The following RPN2 variants were observed in gnomAD, a reference collection of about 807,000 sequenced individuals.
RPN2 encodes ribophorin II, also known as dolichyl-diphosphooligosaccharide--protein glycosyltransferase subunit 2.
RPN2 carries 29 observed loss-of-function variants against 71.4 expected under a neutral mutation model. That is an observed-to-expected ratio of 0.41 (90% CI 0.30 to 0.55). The LOEUF (loss-of-function observed/expected upper bound fraction) is 0.55, where lower values mean the gene tolerates loss of function less well. Among genes scored for constraint, RPN2 ranks in the 20% least tolerant of loss-of-function variants. The pLI is 0.35. For synonymous variants in RPN2, 308 were observed against 305.0 expected, an observed-to-expected ratio of 1.01 and a Z score of -0.10; for missense variants, 726 against 774.1, an observed-to-expected ratio of 0.94 and a Z score of 0.74.
At chr20:37,179,456 C>G in intron 1 of RPN2, 87 bp downstream of exon 1, 1 of 1,441,936 alleles carries the variant, frequency 6.9e-7, no homozygotes, top group Non-Finnish European at 9.2e-7. Flanking sequence ...AGGCGGGATC[C>G]CCTTCCCCTG....
At chr20:37,225,583 T>C in intron 10 of RPN2, 105 bp from the exon 11 acceptor site, 1 of 778,158 alleles carries the variant, frequency 1.3e-6, no homozygotes, top group Non-Finnish European at 2.3e-6. Context: ...GAAGTGTTAC[T>C]ATGGGAGAGG....
At chr20:37,218,615 C>G (rs112719061) in intron 9 of RPN2, among the ~76,000 whole-genome samples, 3,432 of 152,138 alleles carry the variant, frequency 0.023, 53 homozygotes, top group Middle Eastern at 0.034. Flanking sequence ...CTTGTGCAAC[C>G]CTTGCCACAA....
chr20:37,209,191 G>A (rs1307643784), intron 7 of RPN2, among the ~76,000 whole-genome samples: 1 of 152,222 alleles, frequency 6.6e-6, no homozygotes, highest in Non-Finnish European at 1.5e-5. Flanking sequence ...ATTGATAGGA[G>A]AATGTATGTA....
chr20:37,223,763 C>G (rs1438349854), intron 9 of RPN2, 115 bp from the exon 10 acceptor site: 9 of 812,982 alleles, frequency 1.1e-5, no homozygotes, highest in African/African-American at 5.1e-5. Context: ...GACTCTTGTT[C>G]TAGGATTTTT....
chr20:37,211,229 T>G (rs1409935638), intron 8 of RPN2, among the ~76,000 whole-genome samples: 1 of 151,374 alleles, frequency 6.6e-6, no homozygotes, highest in Non-Finnish European at 1.5e-5. Flanking sequence ...GAGGCAGGGT[T>G]TCACCATGTT....
In RPN2 at chr20:37,199,095, A is replaced by G. The variant is rs200634422; in HGVS notation, c.349A>G (p.Ser117Gly). 11 of 1,613,876 alleles carry G rather than the reference A, an allele frequency of 6.8e-6. No individual in the cohort carries two copies. The African/African-American group carries it at 1.2e-4, about 18-fold the overall frequency. ...ETKDLLLAAV[S>G]EDSSVTQIYH... ...CAAAGATCTGCTTCTGGCAGCTGTC[A>G]GTGAGGACTCATCTGTTACCCAGAT... Residue 117 changes from serine (S) to glycine (G), a missense_variant, in exon 4 of 17, where the codon AGT (serine) becomes GGT (glycine). Ser to Gly is a moderately conservative substitution (Grantham distance 56). Coordinates refer to ENST00000237530, the MANE Select transcript of RPN2 (RefSeq NM_002951.5).
Position 37,183,155 on chromosome 20 carries a change from A to G in RPN2, c.14-1025A>G, listed in dbSNP as rs775280790. The stretch of plus-strand genomic sequence containing the variant: ...AGTGGATATAAGCACAACAATAATA[A>G]TAGTAGTAGAAGTAGTAGCTAACAT... On this transcript the variant is annotated intron_variant, in intron 1 of 16. Transcript: ENST00000237530. 9.2e-5 allele frequency among the ~76,000 whole-genome samples: 14 copies of G among 152,208 alleles called. No individual in the cohort carries two copies. In the South Asian group the frequency reaches 2.1e-3, roughly 22 times the overall value.
chr20:37,222,832 C>T (rs991804796), intron 9 of RPN2, among the ~76,000 whole-genome samples: 3 of 152,190 alleles, frequency 2.0e-5, no homozygotes, highest in Non-Finnish European at 2.9e-5. Context: ...TGGATATTTA[C>T]ATTGATTTTA....
At chr20:37,203,049 T>C (rs1425683846) in intron 4 of RPN2, among the ~76,000 whole-genome samples, 2 of 152,102 alleles carry the variant, frequency 1.3e-5, no homozygotes. Flanking sequence ...CTCAGCCTCC[T>C]GAGTACCTGG....
At chr20:37,215,722 G>T (rs1022446226) in intron 9 of RPN2, among the ~76,000 whole-genome samples, 1 of 151,742 alleles carries the variant, frequency 6.6e-6, no homozygotes, top group African/African-American at 2.4e-5. Flanking sequence ...TCACCAAATT[G>T]CTCTATTCTC....
chr20:37,203,203 G>A (rs1312193505), intron 4 of RPN2, among the ~76,000 whole-genome samples: 1 of 152,160 alleles, frequency 6.6e-6, no homozygotes, highest in Non-Finnish European at 1.5e-5. Context: ...GGGATTACAG[G>A]TGTGAGCCAC....
chr20:37,191,684 CAAAAG>C (rs947047894), intron 2 of RPN2, among the ~76,000 whole-genome samples: 8 of 151,306 alleles, frequency 5.3e-5, no homozygotes, highest in Non-Finnish European at 1.2e-4. Context: ...GACTCTGTCT[CAAAAG>C]AAAGAAAGAG....
chr20:37,195,585 G>T (rs1331695005), intron 2 of RPN2, among the ~76,000 whole-genome samples: 1 of 152,144 alleles, frequency 6.6e-6, no homozygotes, highest in Non-Finnish European at 1.5e-5. Context: ...AGATAGATTG[G>T]GGATTAAATG....
At chr20:37,219,762 G>A (rs1395369766) in intron 9 of RPN2, among the ~76,000 whole-genome samples, 1 of 152,170 alleles carries the variant, frequency 6.6e-6, no homozygotes, top group Non-Finnish European at 1.5e-5. Context: ...GATGTAGGGG[G>A]TCCAGTCTTC....
At chr20:37,201,092 G>A (rs921921196) in intron 4 of RPN2, among the ~76,000 whole-genome samples, 2 of 151,342 alleles carry the variant, frequency 1.3e-5, no homozygotes, top group African/African-American at 2.4e-5. Context: ...TTACATCAAA[G>A]CAACTGACAG....
At chr20:37,215,746 A>G (rs1600806970) in intron 9 of RPN2, among the ~76,000 whole-genome samples, 1 of 152,116 alleles carries the variant, frequency 6.6e-6, no homozygotes, top group Admixed American at 6.5e-5. Flanking sequence ...ATTCGTACCA[A>G]TATTTGGTAT....
At chr20:37,180,931 A>G (rs143307661) in intron 1 of RPN2, among the ~76,000 whole-genome samples, 1 of 152,294 alleles carries the variant, frequency 6.6e-6, no homozygotes, top group East Asian at 1.9e-4. Flanking sequence ...CTCTGCTTAG[A>G]ACTTTCCAGT....
At chr20:37,237,060 C>G (rs943589840) in intron 16 of RPN2, among the ~76,000 whole-genome samples, 24 of 152,140 alleles carry the variant, frequency 1.6e-4, no homozygotes, top group African/African-American at 5.8e-4. Context: ...CCCTGCCCTC[C>G]CCACCCTCAA....
chr20:37,225,926 C>G, intron 11 of RPN2, 124 bp downstream of exon 11: 1 of 737,190 alleles, frequency 1.4e-6, no homozygotes. Context: ...TTGACCGAAC[C>G]CTGACAGTCC....
Sources: gnomAD v4.1 joint callset for allele counts (sites outside exome capture counted in the v4.1 genomes callset) on GRCh38, gnomAD v4.1.1 for gene constraint, MANE v1.5 for transcripts, NCBI Gene and HGNC (gene_info 2026-07-23, HGNC 2026-07-21) for gene names.